Variants in KPNB1 observed in about 807,000 individuals in gnomAD.
KPNB1 encodes the protein importin subunit beta-1.
A neutral mutation model predicts 113.0 loss-of-function variants in KPNB1; 7 were observed. The observed-to-expected ratio is 0.06, with a 90% CI of 0.04 to 0.12. The LOEUF (loss-of-function observed/expected upper bound fraction) is 0.12. Among genes scored for constraint, KPNB1 ranks in the 10% least tolerant of loss-of-function variants. The pLI is 1.00. For synonymous variants in KPNB1, 363 were observed against 378.6 expected (o/e 0.96, Z 0.48); for missense variants, 400 against 1,054.8 (o/e 0.38, Z 8.60).
In KPNB1 at chr17:47,664,187, T is replaced by C; in HGVS notation, c.815T>C (p.Ile272Thr). ...ACAATCGAAGCAATGAAAAGTGACA[T>C]TGATGAGGTGGCTTTACAAGGGATA... The part of the protein sequence containing the change: ...AITIEAMKSD[I>T]DEVALQGIEF... Residue 272 changes from isoleucine (I) to threonine (T), a missense_variant, in exon 8 of 22, where the codon ATT becomes ACT. Physicochemically the swap from Ile to Thr is moderately conservative, Grantham distance 89. Transcript: ENST00000290158. The C allele has an allele frequency of 1.2e-6, 2 of 1,613,366 alleles. No individual in the cohort carries two copies. Among genetic ancestry groups the C allele is most frequent in the Non-Finnish European group, 1.7e-6 (2 of 1,179,472 alleles).
chr17:47,668,538 T>C, intron 10 of KPNB1, 128 bp downstream of exon 10: 1 of 719,226 alleles, frequency 1.4e-6, no homozygotes, highest in South Asian at 1.9e-5. Context: ...ACTTGTTTAC[T>C]TTTAATGAGG....
intron 12 of KPNB1, among the ~76,000 whole-genome samples, chr17:47,672,610 C>T (rs2030484023): frequency 6.6e-6 from 1 of 152,054 alleles, no homozygotes; most frequent in Admixed American, 6.6e-5. Context: ...AGGCTGGTCT[C>T]AAACTGACCT....
Position 47,676,455 on chromosome 17 carries a change from C to T in KPNB1, c.1959C>T (p.Phe653=), listed in dbSNP as rs150687408. 1 of 1,613,498 alleles carries T rather than the reference C, an allele frequency of 6.2e-7. No individual in the cohort carries two copies. Among genetic ancestry groups the T allele is most frequent in the African/African-American group, 1.3e-5 (1 of 74,902 alleles). Residue 653 remains phenylalanine (F), a synonymous_variant, in exon 16 of 22, where the codon TTC becomes TTT. Coordinates refer to ENST00000290158, the MANE Select transcript of KPNB1 (RefSeq NM_002265.6). Reference sequence around the variant, plus strand: ...AGTACATGGAGGCCTTTAAACCCTTCCTGGGCATTGGATTAAAAAATTATG... The same window carrying T: ...AGTACATGGAGGCCTTTAAACCCTTTCTGGGCATTGGATTAAAAAATTATG... ...FLKYMEAFKP[F]LGIGLKNYAE...
chr17:47,658,627 A>C lies in KPNB1; in HGVS notation c.603A>C (p.Ser201=). The change falls in exon 5 of 22, where the codon TCA becomes TCC. Residue 201 remains serine, a synonymous_variant. Transcript: ENST00000290158. ...KLAATNALLN[S]LEFTKANFDK... ...CTGCTACGAATGCACTCCTGAACTC[A>C]TTGGAGTTCACCAAAGCAAACTTTG... is the stretch of plus-strand genomic sequence containing the variant. 1 of 1,613,572 alleles carries C rather than the reference A, an allele frequency of 6.2e-7. No individual in the cohort carries two copies. Among genetic ancestry groups the C allele is most frequent in the Non-Finnish European group, 8.5e-7 (1 of 1,179,742 alleles).
intron 19 of KPNB1, among the ~76,000 whole-genome samples, chr17:47,679,292 G>A (rs959498191): frequency 6.6e-6 from 1 of 152,100 alleles, no homozygotes; most frequent in Admixed American, 6.6e-5. Flanking sequence ...ATGTTGGGGG[G>A]AAGAAACCCA....
In KPNB1 at chr17:47,666,037, T is replaced by TTTTTTG. The variant is rs756897179; in HGVS notation, c.999+897_999+902dup. ...TAATTTTCATCTCTCCTCTCAGGGT[T>TTTTTTG]TTTTTGTTTTTGTTTTTGTTTTTTC... On this transcript the variant is annotated intron_variant, in intron 9 of 21. Transcript: ENST00000290158. Among the ~76,000 whole-genome samples the TTTTTTG allele has an allele frequency of 2.0e-5, 3 of 152,018 alleles. No individual in the cohort carries two copies. In the East Asian group the frequency reaches 5.8e-4, roughly 29 times the overall value.
At chr17:47,653,012 A>T in intron 3 of KPNB1, 136 bp downstream of exon 3, 1 of 535,612 alleles carries the variant, frequency 1.9e-6, no homozygotes, top group Non-Finnish European at 3.1e-6. Context: ...AAAGATAAAA[A>T]TTGTCTTTGT....
In KPNB1 at chr17:47,680,056, T is replaced by C. The variant is rs1283567079; in HGVS notation, c.2390T>C (p.Ile797Thr). ...VMLVQPRVEF[I>T]LSFIDHIAGD... ...CTGGTACAACCCAGAGTAGAATTTA[T>C]TCTGTCTTTCATTGACCACATTGCT... The change falls in exon 20 of 22, where the codon ATT becomes ACT. Residue 797 changes from isoleucine to threonine, a missense_variant. Coordinates refer to ENST00000290158, the MANE Select transcript of KPNB1 (RefSeq NM_002265.6). The C allele has an allele frequency of 6.2e-7, 1 of 1,613,844 alleles. No individual in the cohort carries two copies. The highest frequency in any genetic ancestry group is 1.7e-5 in the Admixed American group (1 of 60,026).
intron 2 of KPNB1, 125 bp downstream of exon 2, chr17:47,650,569 C>CCCCCTCCCCCCCCAA: frequency 1.4e-6 from 1 of 721,568 alleles, no homozygotes; most frequent in Middle Eastern, 3.9e-4. Context: ...CCTCCCCCCT[C>CCCCCTCCCCCCCCAA]CCCCTCCCCC....
chr17:47,669,746 T>C lies in KPNB1; in HGVS notation c.1293T>C (p.Thr431=). The C allele has an allele frequency of 6.2e-7, 1 of 1,614,148 alleles. No homozygotes were observed. Among genetic ancestry groups the C allele is most frequent in the Non-Finnish European group, 8.5e-7 (1 of 1,179,980 alleles). Residue 431 remains threonine, a synonymous_variant, in exon 11 of 22, where the codon ACT becomes ACC. Transcript: ENST00000290158. ...TTGTTCGAGATACAGCTGCATGGAC[T>C]GTAGGCAGAATTTGTGAGCTGCTTC... ...SVVVRDTAAW[T]VGRICELLPE...
At chr17:47,656,211 A>G (rs1469098073) in intron 3 of KPNB1, among the ~76,000 whole-genome samples, 1 of 151,912 alleles carries the variant, frequency 6.6e-6, no homozygotes, top group African/African-American at 2.4e-5. Flanking sequence ...GTGAGCCGAG[A>G]TCGCGCCATC....
intron 8 of KPNB1, among the ~76,000 whole-genome samples, chr17:47,664,775 G>T (rs550526135): frequency 3.3e-5 from 5 of 152,222 alleles, no homozygotes; most frequent in African/African-American, 1.2e-4. Context: ...AACTGAGTGT[G>T]TGTTGATCCA....
chr17:47,675,389 G>GTTT lies in KPNB1; in HGVS notation c.1912+615_1912+617dup, dbSNP rs1419981267. Among the ~76,000 whole-genome samples the GTTT allele has an allele frequency of 3.8e-5, 3 of 78,452 alleles. No individual in the cohort carries two copies. The Admixed American group carries it at 4.0e-4, about 11-fold the overall frequency. 51.5% of individuals were successfully genotyped at this position (78,452 alleles called of 152,430 possible). A position where few individuals can be genotyped will look rare whatever the true frequency, so the allele number is the denominator to read the frequency against. On this transcript the variant is annotated intron_variant, in intron 15 of 21. Coordinates refer to ENST00000290158, the MANE Select transcript of KPNB1 (RefSeq NM_002265.6). ...TTTTTTTTGTTTTTTTTTTTTGTTT[G>GTTT]TTTTTTTTTTGAGACTTGTTCTGTT...
intron 7 of KPNB1, 134 bp from the exon 8 acceptor site, chr17:47,664,025 C>T (rs1019227822): frequency 1.9e-5 from 11 of 578,568 alleles, no homozygotes; most frequent in East Asian, 1.5e-4. Context: ...CTTTTCCTAT[C>T]TTTTCTTTCA....
chr17:47,664,100 G>T (rs1267908751), intron 7 of KPNB1, 59 bp from the exon 8 acceptor site: 1 of 1,042,418 alleles, frequency 9.6e-7, no homozygotes, highest in Non-Finnish European at 1.5e-6. Context: ...AGCCGGGTTG[G>T]GGCAGGGACT....
chr17:47,678,548 G>T (rs752059834), intron 19 of KPNB1, 135 bp downstream of exon 19: 13 of 657,022 alleles, frequency 2.0e-5, no homozygotes, highest in Admixed American at 1.4e-4. Flanking sequence ...GGGGAGCAGT[G>T]CCCTAATGAA....
At chr17:47,654,721 C>T (rs1238246302) in intron 3 of KPNB1, among the ~76,000 whole-genome samples, 1 of 152,162 alleles carries the variant, frequency 6.6e-6, no homozygotes. Flanking sequence ...ATGGAGTCTT[C>T]AGAAAGCAAT....
At chr17:47,665,446 G>A (rs2030239329) in intron 9 of KPNB1, among the ~76,000 whole-genome samples, 1 of 152,202 alleles carries the variant, frequency 6.6e-6, no homozygotes, top group Non-Finnish European at 1.5e-5. Context: ...AAGGTGCTCT[G>A]TCAAAGCTTC....
Position 47,668,297 on chromosome 17 carries a change from A to G in KPNB1, c.1111A>G (p.Ile371Val), listed in dbSNP as rs771679016. 3 of 1,614,158 alleles carry G rather than the reference A, an allele frequency of 1.9e-6. No individual in the cohort carries two copies. The Admixed American group carries it at 5.0e-5, about 27-fold the overall frequency. Residue 371 changes from isoleucine to valine, a missense_variant, in exon 10 of 22, where the codon ATT becomes GTT. Transcript: ENST00000290158. ...DDIVPHVLPF[I>V]KEHIKNPDWR... ...CATTGTCCCACATGTCCTCCCCTTC[A>G]TTAAAGAACACATCAAGAACCCAGA...
Sources: allele counts gnomAD v4.1 joint callset (sites outside exome capture counted in the v4.1 genomes callset), GRCh38; gene constraint gnomAD v4.1.1; transcripts MANE v1.5; gene names NCBI Gene and HGNC (gene_info 2026-07-23, HGNC 2026-07-21).